Variants in GMCL1 observed in about 807,000 individuals in gnomAD.
GMCL1 encodes the protein germ cell-less 1, spermatogenesis associated, also known as germ cell-less protein-like 1.
GMCL1 carries 54 observed loss-of-function variants against 75.5 expected under a neutral mutation model. The ratio of observed to expected loss-of-function variants is 0.71; its 90% confidence interval spans 0.57 to 0.90. The LOEUF (loss-of-function observed/expected upper bound fraction) is 0.90. GMCL1 is among the 40% of genes least tolerant of loss of function. The probability of loss-of-function intolerance (pLI) is 0.00; values close to 1 mark genes in which losing one functional copy is unlikely to be tolerated. For synonymous variants in GMCL1, 210 were observed against 209.6 expected (o/e 1.00, Z -0.02); for missense variants, 537 against 622.7 (o/e 0.86, Z 1.47).
chr2:69,837,037 A>G (rs1350196994), intron 1 of GMCL1, among the ~76,000 whole-genome samples: 1 of 152,224 alleles, frequency 6.6e-6, no homozygotes, highest in Non-Finnish European at 1.5e-5. Context: ...AAAACATTTT[A>G]AGTAGTTTAA....
In GMCL1 at chr2:69,830,134, T is replaced by C. The variant is rs1277451522; in HGVS notation, c.242T>C (p.Leu81Pro). The C allele has an allele frequency of 1.3e-6, 2 of 1,570,582 alleles. No individual in the cohort carries two copies. The highest frequency in any genetic ancestry group is 1.9e-5 in the Admixed American group (1 of 53,326). The change falls in exon 1 of 14, where the codon CTC (leucine) becomes CCC (proline). Residue 81 changes from leucine (L) to proline (P), a missense_variant. Coordinates refer to ENST00000282570, the MANE Select transcript of GMCL1 (RefSeq NM_178439.5). Reference sequence around the variant, plus strand: ...GAGGAGGGGGACGAGCAGCAGCGGCTCCTCAACACCCCTCGAAGGTACGTG... The same window carrying C: ...GAGGAGGGGGACGAGCAGCAGCGGCCCCTCAACACCCCTCGAAGGTACGTG... ...DEEEGDEQQR[L>P]LNTPRRKKLK...
At chr2:69,857,674 C>T (rs901328189) in intron 9 of GMCL1, among the ~76,000 whole-genome samples, 3 of 152,084 alleles carry the variant, frequency 2.0e-5, no homozygotes, top group Non-Finnish European at 4.4e-5. Context: ...TATTTTATAC[C>T]TAGATACTCT....
Position 69,857,988 on chromosome 2 carries a change from T to G in GMCL1, c.1072+3028T>G, listed in dbSNP as rs1476674923. Among the ~76,000 whole-genome samples, 5 of 152,200 alleles carry G rather than the reference T, an allele frequency of 3.3e-5. No homozygotes were observed. The South Asian group carries it at 8.3e-4, about 25-fold the overall frequency. The stretch of plus-strand genomic sequence containing the variant: ...CAAATAATATGGTTTTAGAGGGCCC[T>G]TTCCCATATTCTTTGTGTAAAACTA... On this transcript the variant is annotated intron_variant, in intron 9 of 13. Transcript: ENST00000282570.
chr2:69,839,611 C>T (rs1213738678), intron 3 of GMCL1, 58 bp downstream of exon 3: 6 of 1,104,702 alleles, frequency 5.4e-6, no homozygotes, highest in Non-Finnish European at 8.2e-6. Flanking sequence ...TCTTATTCTT[C>T]TGGTAGAAGA....
intron 9 of GMCL1, among the ~76,000 whole-genome samples, 159 bp downstream of exon 9, chr2:69,855,119 T>G (rs1478110695): frequency 3.3e-5 from 5 of 152,184 alleles, no homozygotes; most frequent in African/African-American, 1.2e-4. Context: ...AGTAATTTTC[T>G]GTGCTTACAT....
chr2:69,862,937 T>C (rs1029856718), intron 10 of GMCL1, among the ~76,000 whole-genome samples: 15 of 152,178 alleles, frequency 9.9e-5, no homozygotes, highest in Admixed American at 9.8e-4. Flanking sequence ...ATCCTACTTC[T>C]TCTGTATATT....
intron 12 of GMCL1, 120 bp downstream of exon 12, chr2:69,869,984 G>A: frequency 4.3e-6 from 4 of 938,158 alleles, no homozygotes; most frequent in South Asian, 4.4e-5. Context: ...ATGTGGAAGT[G>A]GTAGGAAATG....
intron 11 of GMCL1, among the ~76,000 whole-genome samples, chr2:69,868,564 TA>T (rs1675885519): frequency 1.3e-5 from 2 of 151,374 alleles, no homozygotes; most frequent in African/African-American, 2.4e-5. Context: ...TTTTTATTTT[TA>T]TTTTTTTTTA....
chr2:69,862,213 G>A (rs1675674331), intron 10 of GMCL1, among the ~76,000 whole-genome samples: 1 of 152,138 alleles, frequency 6.6e-6, no homozygotes, highest in Admixed American at 6.6e-5. Flanking sequence ...TGGAGAGACT[G>A]AGTGTACAGA....
Position 69,830,121 on chromosome 2 carries a change from G to A in GMCL1, c.229G>A (p.Glu77Lys), listed in dbSNP as rs148875956. ...ETDEDEEEGD[E>K]QQRLLNTPRR... is the part of the protein sequence containing the mutation. ...GGACGAGGATGAGGAGGAGGGGGAC[G>A]AGCAGCAGCGGCTCCTCAACACCCC... The change falls in exon 1 of 14, where the codon GAG (glutamate) becomes AAG (lysine). Residue 77 changes from glutamate to lysine, a missense_variant. Physicochemically the swap from Glu to Lys is moderately conservative, Grantham distance 56. This residue lies in a region of GMCL1 where 144 missense variants were observed against 127.2 expected (regional missense o/e 1.13). Coordinates refer to ENST00000282570, the MANE Select transcript of GMCL1 (RefSeq NM_178439.5). 2.8e-4 allele frequency: 436 copies of A among 1,575,980 alleles called. No homozygotes were observed. The highest frequency in any genetic ancestry group is 1.0e-3 in the South Asian group (86 of 86,028).
intron 13 of GMCL1, among the ~76,000 whole-genome samples, chr2:69,877,716 G>GTA (rs1468822020): frequency 1.3e-5 from 2 of 151,730 alleles, no homozygotes; most frequent in African/African-American, 4.9e-5. Flanking sequence ...TTGTGTGTGT[G>GTA]TGTGTGTGTG....
intron 8 of GMCL1, among the ~76,000 whole-genome samples, chr2:69,850,638 A>AT (rs758750657): frequency 1.3e-5 from 2 of 152,158 alleles, no homozygotes; most frequent in Non-Finnish European, 2.9e-5. Flanking sequence ...TGCTTTATAA[A>AT]TATATATTAT....
At chr2:69,846,978 G>GCA (rs950126504) in intron 6 of GMCL1, among the ~76,000 whole-genome samples, 1 of 150,706 alleles carries the variant, frequency 6.6e-6, no homozygotes, top group African/African-American at 2.4e-5. Context: ...GACTACAGGT[G>GCA]CACACCAACA....
chr2:69,839,578 A>C, intron 3 of GMCL1, 25 bp downstream of exon 3: 1 of 1,268,138 alleles, frequency 7.9e-7, no homozygotes, highest in Non-Finnish European at 1.1e-6. Context: ...AATTACTATT[A>C]TGCAACAATC....
chr2:69,871,847 C>T lies in GMCL1; in HGVS notation c.1452+15C>T. ...AAAAGGATCAGGTATGTTCGATTAT[C>T]TTCTGGTATGTCATCATAATATTTG... On this transcript the variant is annotated intron_variant, in intron 13 of 13. Transcript: ENST00000282570. 7.1e-7 allele frequency: 1 copy of T among 1,401,916 alleles called. No individual in the cohort carries two copies. Among genetic ancestry groups the T allele is most frequent in the Non-Finnish European group, 1.0e-6 (1 of 1,003,928 alleles). The allele number at this position is 1,401,916 out of a possible 1,614,324, so 86.8% of individuals were successfully genotyped here. A position where few individuals can be genotyped will look rare whatever the true frequency, so the allele number is the denominator to read the frequency against.
intron 11 of GMCL1, among the ~76,000 whole-genome samples, chr2:69,866,023 G>A (rs1675806697): frequency 6.6e-6 from 1 of 152,142 alleles, no homozygotes; most frequent in Non-Finnish European, 1.5e-5. Flanking sequence ...GACTGAGGCA[G>A]GCAGATCATG....
At chr2:69,837,889 A>G (rs922977218) in intron 2 of GMCL1, among the ~76,000 whole-genome samples, 1 of 152,226 alleles carries the variant, frequency 6.6e-6, no homozygotes, top group Non-Finnish European at 1.5e-5. Context: ...GCCTAATACT[A>G]CGTATTTGTC....
chr2:69,840,324 G>A (rs1249177178), intron 3 of GMCL1: 1 of 151,956 alleles, frequency 6.6e-6, no homozygotes, highest in East Asian at 1.9e-4. Context: ...GCAGGAGAAT[G>A]GCGTGAACCC....
chr2:69,836,697 G>A (rs1219713496), intron 1 of GMCL1, among the ~76,000 whole-genome samples: 1 of 152,234 alleles, frequency 6.6e-6, no homozygotes, highest in East Asian at 1.9e-4. Flanking sequence ...ATATTGATCA[G>A]CCTCTGCCTA....
Sources: allele counts gnomAD v4.1 joint callset (sites outside exome capture counted in the v4.1 genomes callset), GRCh38; gene constraint gnomAD v4.1.1; regional missense constraint gnomAD v4.1.1; transcripts MANE v1.5; gene names NCBI Gene and HGNC (gene_info 2026-07-23, HGNC 2026-07-21).